Variants in RSF1 observed in about 807,000 individuals in gnomAD.
RSF1 encodes the protein remodeling and spacing factor 1.
RSF1 carries 13 observed loss-of-function variants against 145.2 expected under a neutral mutation model. The observed-to-expected ratio is 0.09, with a 90% CI of 0.06 to 0.14. The LOEUF (loss-of-function observed/expected upper bound fraction) is 0.14, where lower values mean the gene tolerates loss of function less well. Ranked by LOEUF, RSF1 falls within the 10% of genes least tolerant of loss-of-function variation. The pLI is 1.00. For missense variants in RSF1, 1,517 were observed against 1,718.2 expected (o/e 0.88, Z 2.07); for synonymous variants, 577 against 592.6 (o/e 0.97, Z 0.38).
At chr11:77,784,012 T>G (rs1442479609) in intron 1 of RSF1, among the ~76,000 whole-genome samples, 1 of 152,254 alleles carries the variant, frequency 6.6e-6, no homozygotes. Context: ...GTGTTTGTCG[T>G]ACTTTAGGTT....
At chr11:77,775,292 G>A (rs1053391363) in intron 1 of RSF1, among the ~76,000 whole-genome samples, 3 of 151,404 alleles carry the variant, frequency 2.0e-5, no homozygotes, top group Admixed American at 6.6e-5. Flanking sequence ...AGAGTTCCCT[G>A]TAGGTGTGAA....
At chr11:77,678,258 C>T in intron 11 of RSF1, 105 bp from the exon 12 acceptor site, 1 of 619,390 alleles carries the variant, frequency 1.6e-6, no homozygotes. Flanking sequence ...CTCTTTGTTG[C>T]CAGGCTGGAG....
At chr11:77,669,772 T>TCACAACAAC (rs1959471312) in intron 15 of RSF1, among the ~76,000 whole-genome samples, 1 of 152,170 alleles carries the variant, frequency 6.6e-6, no homozygotes, top group Non-Finnish European at 1.5e-5. Context: ...CAACTCAGCT[T>TCACAACAAC]TTTGAGAAAG....
chr11:77,739,765 A>G (rs1961461019), intron 4 of RSF1, among the ~76,000 whole-genome samples: 1 of 152,236 alleles, frequency 6.6e-6, no homozygotes, highest in African/African-American at 2.4e-5. Context: ...TAATTTGTGG[A>G]ATATTTCTAA....
the RSF1 span, among the ~76,000 whole-genome samples, chr11:77,830,332 ATACTGCCCT>A: frequency 6.6e-6 from 1 of 152,150 alleles, no homozygotes; most frequent in South Asian, 2.1e-4. Context: ...GGGCAAACTG[ATACTGCCCT>A]GCCACCAAAA....
intron 5 of RSF1, among the ~76,000 whole-genome samples, chr11:77,721,800 G>A (rs1173570842): frequency 6.6e-6 from 1 of 152,072 alleles, no homozygotes; most frequent in Non-Finnish European, 1.5e-5. Flanking sequence ...CAGAGAAGGT[G>A]CACAGTAAGT....
chr11:77,847,268 T>C, the RSF1 span, among the ~76,000 whole-genome samples: 1 of 152,258 alleles, frequency 6.6e-6, no homozygotes. Context: ...AATTTCCCTT[T>C]GCTTTCTGCA....
chr11:77,811,496 A>C (rs34199687), intron 1 of RSF1, among the ~76,000 whole-genome samples: 2,110 of 152,322 alleles, frequency 0.014, 23 homozygotes, highest in South Asian at 0.029. Flanking sequence ...GAAGTGGTTA[A>C]TTTAACTTGA....
chr11:77,822,213 G>A (rs1326292454), upstream of RSF1, among the ~76,000 whole-genome samples: 1 of 152,020 alleles, frequency 6.6e-6, no homozygotes, highest in Non-Finnish European at 1.5e-5. Flanking sequence ...ACCGAGGTGG[G>A]TGCATCACCT....
rs1948726145 is a variant in RSF1 at position 77,811,067 on chromosome 11, G to T, written c.187+9461C>A. Among the ~76,000 whole-genome samples, 2 of 152,114 alleles carry T rather than the reference G, an allele frequency of 1.3e-5. 1 individual carries two copies. Among genetic ancestry groups the T allele is most frequent in the African/African-American group, 4.8e-5 (2 of 41,424 alleles). On this transcript the variant is annotated intron_variant, in intron 1 of 15. Transcript: ENST00000308488. ...CACCATACCCAGCCCAATACTTTAG[G>T]TTTTGAAGTTATATGTTCTCTGTGA...
At chr11:77,835,091 G>A in the RSF1 span, among the ~76,000 whole-genome samples, 1 of 152,218 alleles carries the variant, frequency 6.6e-6, no homozygotes, top group South Asian at 2.1e-4. Context: ...TTTAAGCTGG[G>A]CACATTGCCT....
chr11:77,683,566 AT>A, intron 11 of RSF1, 143 bp downstream of exon 11: 1 of 522,162 alleles, frequency 1.9e-6, no homozygotes, highest in Non-Finnish European at 3.3e-6. Flanking sequence ...GAAAAAAAAA[AT>A]TCTATGACTA....
chr11:77,819,311 G>A (rs1163637944), intron 1 of RSF1, among the ~76,000 whole-genome samples: 2 of 152,224 alleles, frequency 1.3e-5, no homozygotes, highest in African/African-American at 2.4e-5. Flanking sequence ...AATGCTCAGA[G>A]TATAACAAAA....
chr11:77,669,810 T>A lies in RSF1; in HGVS notation c.3751+2232A>T, dbSNP rs574192730. On this transcript the variant is annotated intron_variant, in intron 15 of 15. Transcript: ENST00000308488. Reference sequence around the variant, plus strand: ...GGCAACAGACAATATGTAAACAAATTGGTATGGTAATCTTCCAGTAAAAAC... The same window carrying A: ...GGCAACAGACAATATGTAAACAAATAGGTATGGTAATCTTCCAGTAAAAAC... Among the ~76,000 whole-genome samples the A allele has an allele frequency of 5.3e-5, 8 of 152,174 alleles. No individual in the cohort carries two copies. In the South Asian group the frequency reaches 1.7e-3, roughly 32 times the overall value.
chr11:77,748,235 T>C (rs1203682241), intron 2 of RSF1, among the ~76,000 whole-genome samples: 2 of 150,824 alleles, frequency 1.3e-5, no homozygotes, highest in Non-Finnish European at 3.0e-5. Flanking sequence ...TTTTCTTTTT[T>C]TTTTTTTGGA....
chr11:77,748,320 G>A (rs1948024793), intron 2 of RSF1, among the ~76,000 whole-genome samples: 1 of 151,126 alleles, frequency 6.6e-6, no homozygotes, highest in Non-Finnish European at 1.5e-5. Flanking sequence ...GACCCCCTGG[G>A]CTCAGGTGAT....
At chr11:77,677,268 T>TA (rs1244214000) in intron 12 of RSF1, among the ~76,000 whole-genome samples, 7 of 152,194 alleles carry the variant, frequency 4.6e-5, no homozygotes, top group African/African-American at 1.7e-4. Context: ...TTCACCCTCT[T>TA]AAAGTGTACA....
intron 1 of RSF1, among the ~76,000 whole-genome samples, chr11:77,797,425 T>A (rs1048196286): frequency 2.0e-5 from 3 of 152,200 alleles, no homozygotes; most frequent in African/African-American, 7.2e-5. Context: ...GATCCCCTAT[T>A]TAATAAACGG....
intron 1 of RSF1, chr11:77,813,617 A>G (rs186515835): frequency 3.2e-5 from 20 of 623,744 alleles, no homozygotes; most frequent in Admixed American, 2.8e-4. Context: ...GAGTGATTCA[A>G]TTTCGGTGAA....
Sources: gnomAD v4.1 joint callset for allele counts (sites outside exome capture counted in the v4.1 genomes callset) on GRCh38, gnomAD v4.1.1 for gene constraint, MANE v1.5 for transcripts, NCBI Gene and HGNC (gene_info 2026-07-23, HGNC 2026-07-21) for gene names.